MAPKBP1: variants seen among roughly 807,000 people sequenced by gnomAD.
MAPKBP1 encodes mitogen-activated protein kinase-binding protein 1.
In MAPKBP1, 71 loss-of-function variants were observed where a neutral mutation model predicts 170.5. The observed-to-expected ratio is 0.42, with a 90% confidence interval of 0.34 to 0.51. The LOEUF is 0.51. MAPKBP1 is among the 20% of genes least tolerant of loss of function. The pLI, the probability that MAPKBP1 is intolerant of heterozygous loss-of-function variation, is 0.06. For synonymous variants in MAPKBP1, 719 were observed against 757.9 expected, an observed-to-expected ratio of 0.95 and a Z score of 0.84; for missense variants, 1,598 against 1,933.0, an observed-to-expected ratio of 0.83 and a Z score of 3.25.
At chr15:41,805,876 T>A (rs1423327572) in intron 3 of MAPKBP1, among the ~76,000 whole-genome samples, 4 of 152,098 alleles carry the variant, frequency 2.6e-5, no homozygotes, top group Admixed American at 2.0e-4. Context: ...GACAGGCCTG[T>A]GACCTCAGTG....
At chr15:41,806,091 C>T (rs1250501248) in intron 3 of MAPKBP1, among the ~76,000 whole-genome samples, 3 of 152,162 alleles carry the variant, frequency 2.0e-5, no homozygotes, top group African/African-American at 4.8e-5. Context: ...GAGGGCCTAT[C>T]GTCTAGGCCC....
intron 2 of MAPKBP1, 39 bp downstream of exon 2, chr15:41,775,428 C>G (rs895878709): frequency 7.0e-7 from 1 of 1,426,854 alleles, no homozygotes. Context: ...CAAACCCACC[C>G]TCTCCTGCTC....
chr15:41,796,570 T>C (rs967128917), intron 2 of MAPKBP1, among the ~76,000 whole-genome samples: 5 of 151,944 alleles, frequency 3.3e-5, no homozygotes, highest in African/African-American at 1.2e-4. Flanking sequence ...TTTCCCCTGC[T>C]CCTCCCCTTC....
Position 41,825,891 on chromosome 15 carries a change from C to T in MAPKBP1, c.*455C>T, listed in dbSNP as rs2065083125. ...AGCCAACTGTGGGCCTTCACCTCTA[C>T]CTGCACTTCCCCTCTCACACCAGCT... On this transcript the variant is annotated 3_prime_UTR_variant, in exon 31 of 31. Coordinates refer to ENST00000457542, the MANE Select transcript of MAPKBP1 (RefSeq NM_014994.3). 1 of 153,972 alleles carries T rather than the reference C, an allele frequency of 6.5e-6. No homozygotes were observed. The highest frequency in any genetic ancestry group is 6.5e-5 in the Admixed American group (1 of 15,322). 9.5% of individuals were successfully genotyped at this position (153,972 alleles called of 1,614,324 possible). A position where few individuals can be genotyped will look rare whatever the true frequency, so the allele number is the denominator to read the frequency against.
chr15:41,803,346 G>A (rs531536921), intron 3 of MAPKBP1, among the ~76,000 whole-genome samples: 32 of 146,136 alleles, frequency 2.2e-4, no homozygotes, highest in African/African-American at 7.5e-4. Context: ...CCTGGGAGAC[G>A]GTGGTTGCAG....
intron 20 of MAPKBP1, 128 bp from the exon 21 acceptor site, chr15:41,819,118 G>A: frequency 1.4e-6 from 2 of 1,438,248 alleles, no homozygotes; most frequent in Non-Finnish European, 1.9e-6. Context: ...TCCCCCTGTT[G>A]AGTCTCCTCT....
chr15:41,813,800 C>G lies in MAPKBP1; in HGVS notation c.980+19C>G, dbSNP rs368782870. ...AGGCCAGGTGAGCTATGTGGGCCCCCCTTCCTCCATTTGTAGCCTTACCCC... is the reference window on the plus strand; with the variant it reads ...AGGCCAGGTGAGCTATGTGGGCCCCGCTTCCTCCATTTGTAGCCTTACCCC... On this transcript the variant is annotated intron_variant, in intron 9 of 30. Transcript: ENST00000457542. 1.3e-6 allele frequency: 2 copies of G among 1,564,950 alleles called. No homozygotes were observed. The highest frequency in any genetic ancestry group is 2.0e-5 in the Admixed American group (1 of 50,842).
At chr15:41,789,266 T>C (rs191524376) in intron 2 of MAPKBP1, among the ~76,000 whole-genome samples, 1 of 149,630 alleles carries the variant, frequency 6.7e-6, no homozygotes. Context: ...TTTGCTGTAG[T>C]ACTGTAGAGA....
chr15:41,795,012 A>G (rs2064462534), intron 2 of MAPKBP1, among the ~76,000 whole-genome samples: 1 of 151,930 alleles, frequency 6.6e-6, no homozygotes. Context: ...CAAAAATACA[A>G]AAATTAGCCG....
At chr15:41,824,629 G>A (rs921384858) in intron 30 of MAPKBP1, 60 bp downstream of exon 30, 15 of 1,460,074 alleles carry the variant, frequency 1.0e-5, no homozygotes, top group Non-Finnish European at 1.4e-5. Context: ...GGGTGTTTCG[G>A]ATAACCATGT....
At chr15:41,800,615 G>A (rs764377020) in intron 3 of MAPKBP1, among the ~76,000 whole-genome samples, 1 of 152,132 alleles carries the variant, frequency 6.6e-6, no homozygotes, top group Non-Finnish European at 1.5e-5. Flanking sequence ...GATTACAGGC[G>A]TGAGCCACTG....
chr15:41,782,808 C>T (rs1014709240), intron 2 of MAPKBP1, among the ~76,000 whole-genome samples: 29 of 152,064 alleles, frequency 1.9e-4, no homozygotes, highest in Admixed American at 3.9e-4. Flanking sequence ...AAAAAAGGGA[C>T]AGTTCCTTAA....
chr15:41,792,432 C>T (rs1281531203), intron 2 of MAPKBP1, among the ~76,000 whole-genome samples: 3 of 152,110 alleles, frequency 2.0e-5, no homozygotes, highest in East Asian at 1.9e-4. Context: ...GGTTGGTATA[C>T]GCTTTCTTCC....
chr15:41,808,390 C>T (rs2064741970), intron 3 of MAPKBP1, among the ~76,000 whole-genome samples: 1 of 151,958 alleles, frequency 6.6e-6, no homozygotes, highest in African/African-American at 2.4e-5. Context: ...CAGGCGTGAG[C>T]CACCACTCCC....
Position 41,817,306 on chromosome 15 carries a change from GA to G in MAPKBP1, c.1712-81del. ...TGGCATGTAGAGTAGCTTGATGGGG[GA>G]TCTCATGGAGGGAAGGTGGGAGGCA... On this transcript the variant is annotated intron_variant, in intron 14 of 30. Coordinates refer to ENST00000457542, the MANE Select transcript of MAPKBP1 (RefSeq NM_014994.3). The surrounding 1 kb of genome is among the most constrained non-coding windows in gnomAD (Gnocchi z 4.2). 7.1e-7 allele frequency: 1 copy of G among 1,412,886 alleles called. No homozygotes were observed. Among genetic ancestry groups the G allele is most frequent in the Non-Finnish European group, 1.0e-6 (1 of 997,858 alleles). The allele number at this position is 1,412,886 out of a possible 1,614,324, so 87.5% of individuals were successfully genotyped here. A position where few individuals can be genotyped will look rare whatever the true frequency, so the allele number is the denominator to read the frequency against.
chr15:41,787,100 CT>C (rs1255422288), intron 2 of MAPKBP1, among the ~76,000 whole-genome samples: 6 of 151,176 alleles, frequency 4.0e-5, no homozygotes, highest in African/African-American at 1.5e-4. Context: ...GATTTTTTTC[CT>C]GTTGGGATTA....
chr15:41,786,777 A>AAAAAAAAATATATATATATATAT, intron 2 of MAPKBP1, among the ~76,000 whole-genome samples: 91 of 32,280 alleles, frequency 2.8e-3, no homozygotes, highest in Non-Finnish European at 4.0e-3. Context: ...AAAAAAAAAA[A>AAAAAAAAATATATATATATATAT]ATATATATAT....
intron 2 of MAPKBP1, among the ~76,000 whole-genome samples, chr15:41,795,440 A>C (rs1334711108): frequency 6.6e-6 from 1 of 151,888 alleles, no homozygotes; most frequent in Non-Finnish European, 1.5e-5. Flanking sequence ...AGGGTGTAGG[A>C]AATGAGGTCA....
chr15:41,776,336 G>C (rs750648320), intron 2 of MAPKBP1, among the ~76,000 whole-genome samples: 1 of 152,222 alleles, frequency 6.6e-6, no homozygotes, highest in African/African-American at 2.4e-5. Context: ...AATCCCATGA[G>C]GAATGATTTA....
Sources: allele counts gnomAD v4.1 joint callset (sites outside exome capture counted in the v4.1 genomes callset), GRCh38; gene constraint gnomAD v4.1.1; non-coding constraint Gnocchi (gnomAD v3.1); transcripts MANE v1.5; gene names NCBI Gene and HGNC (gene_info 2026-07-23, HGNC 2026-07-21).